The following S100Z variants were observed in gnomAD, a reference collection of about 807,000 sequenced individuals.
S100Z encodes protein S100-Z.
S100Z carries 11 observed loss-of-function variants against 8.5 expected under a neutral mutation model. That is an observed-to-expected ratio of 1.30 (90% CI 0.82 to 2.15). S100Z has a LOEUF of 2.15. Among genes scored for constraint, S100Z ranks in the 30% most tolerant of loss-of-function variants. The pLI is 0.00. For missense variants in S100Z, 126 were observed against 117.9 expected, an observed-to-expected ratio of 1.07 and a Z score of -0.32; for synonymous variants, 34 against 43.8, an observed-to-expected ratio of 0.78 and a Z score of 0.89.
At chr5:76,865,238 C>CTATTT (rs1491513943) in intron 1 of S100Z, among the ~76,000 whole-genome samples, 1 of 110,652 alleles carries the variant, frequency 9.0e-6, no homozygotes, top group African/African-American at 3.9e-5. Context: ...TGTGTCCTAG[C>CTATTT]TCTTTTTTTT....
rs188187374 is a variant in S100Z at position 76,916,938 on chromosome 5, C to T, written c.*3-3779C>T. Among the ~76,000 whole-genome samples, 550 of 151,964 alleles carry T rather than the reference C, an allele frequency of 3.6e-3. 3 individuals carry two copies. Among genetic ancestry groups the T allele is most frequent in the African/African-American group, 0.013 (531 of 41,472 alleles). Reference sequence around the variant, plus strand: ...GTTAGGAGTTCGAGACCAGCCTGGCCAACATAGTTAAACCCCATCTCTACT... The same window carrying T: ...GTTAGGAGTTCGAGACCAGCCTGGCTAACATAGTTAAACCCCATCTCTACT... On this transcript the variant is annotated intron_variant, in intron 4 of 4. Transcript: ENST00000317593.
chr5:76,924,283 T>C (rs61214915), downstream of S100Z, among the ~76,000 whole-genome samples: 692 of 152,336 alleles, frequency 4.5e-3, 5 homozygotes, highest in African/African-American at 0.016. Flanking sequence ...TATAAGCATC[T>C]AGACCTCACT....
At chr5:76,881,914 C>T (rs754212301) in intron 4 of S100Z, among the ~76,000 whole-genome samples, 2 of 152,074 alleles carry the variant, frequency 1.3e-5, no homozygotes, top group South Asian at 2.1e-4. Flanking sequence ...GGAAGTAAAG[C>T]GGCCTTGAGA....
At chr5:76,939,309 C>T in the S100Z span, among the ~76,000 whole-genome samples, 1 of 151,818 alleles carries the variant, frequency 6.6e-6, no homozygotes. Context: ...CCCACCACCA[C>T]GCCTGGCTAA....
At position 76,889,451 on chromosome 5, in the gene S100Z, G is replaced by A. The variant is rs117535624; in HGVS notation, c.*2+11617G>A. Among the ~76,000 whole-genome samples, 7 of 152,182 alleles carry A rather than the reference G, an allele frequency of 4.6e-5. No homozygotes were observed. The East Asian group carries it at 1.2e-3, about 25-fold the overall frequency. On this transcript the variant is annotated intron_variant, in intron 4 of 4. Transcript: ENST00000317593. ...ATGCAAGAGAAGATCTCGACATTTCGCAGGGGCCTTTAAGCTTTTCATTTT... is the reference window on the plus strand; with the variant it reads ...ATGCAAGAGAAGATCTCGACATTTCACAGGGGCCTTTAAGCTTTTCATTTT...
chr5:76,850,914 T>A (rs1375262096), intron 1 of S100Z, among the ~76,000 whole-genome samples: 1 of 152,114 alleles, frequency 6.6e-6, no homozygotes, highest in African/African-American at 2.4e-5. Flanking sequence ...CACCTCCCAC[T>A]TGGCTTCCCA....
At chr5:76,853,437 A>G (rs1370528537) in intron 1 of S100Z, among the ~76,000 whole-genome samples, 1 of 152,128 alleles carries the variant, frequency 6.6e-6, no homozygotes, top group Non-Finnish European at 1.5e-5. Context: ...AACTACTTTT[A>G]TTTGCTTATT....
intron 4 of S100Z, among the ~76,000 whole-genome samples, chr5:76,908,236 T>C (rs1431375093): frequency 6.6e-6 from 1 of 152,224 alleles, no homozygotes; most frequent in Non-Finnish European, 1.5e-5. Context: ...ACTTCTGGGC[T>C]GAGCCAAGGG....
chr5:76,859,131 G>T (rs1750974941), intron 1 of S100Z, among the ~76,000 whole-genome samples: 1 of 152,210 alleles, frequency 6.6e-6, no homozygotes, highest in South Asian at 2.1e-4. Context: ...TAATAATGAT[G>T]ATGATAATCT....
intron 4 of S100Z, among the ~76,000 whole-genome samples, chr5:76,901,010 T>C (rs1744207623): frequency 6.6e-6 from 1 of 152,068 alleles, no homozygotes; most frequent in South Asian, 2.1e-4. Flanking sequence ...GGACAAGATC[T>C]GGAAGAATTC....
intron 4 of S100Z, among the ~76,000 whole-genome samples, chr5:76,900,277 C>G (rs1465589656): frequency 6.6e-6 from 1 of 152,166 alleles, no homozygotes; most frequent in Non-Finnish European, 1.5e-5. Flanking sequence ...ATATCTTTCT[C>G]TAAGTTTGGG....
Position 76,913,273 on chromosome 5 carries a change from C to T in S100Z, c.*3-7444C>T, listed in dbSNP as rs189184610. Among the ~76,000 whole-genome samples the T allele has an allele frequency of 7.2e-5, 11 of 152,256 alleles. No homozygotes were observed. The East Asian group carries it at 1.9e-3, about 27-fold the overall frequency. On this transcript the variant is annotated intron_variant, in intron 4 of 4. Coordinates refer to ENST00000317593, the MANE Select transcript of S100Z (RefSeq NM_130772.4). ...CTTAACTAATTACCATACAAAGGTC[C>T]GATCAGACCAAGGAGGAACTCCCTT...
chr5:76,865,755 G>A (rs948413791), intron 1 of S100Z, among the ~76,000 whole-genome samples: 15 of 151,484 alleles, frequency 9.9e-5, no homozygotes, highest in Middle Eastern at 6.8e-3. Flanking sequence ...GCTCATGCCT[G>A]TAATCCCAGC....
At chr5:76,932,402 G>A in the S100Z span, among the ~76,000 whole-genome samples, 2 of 152,136 alleles carry the variant, frequency 1.3e-5, no homozygotes, top group Non-Finnish European at 2.9e-5. Flanking sequence ...TGCCCAGGCT[G>A]GAGTGCGGTG....
At chr5:76,889,101 G>A (rs1438056216) in intron 4 of S100Z, among the ~76,000 whole-genome samples, 2 of 152,130 alleles carry the variant, frequency 1.3e-5, no homozygotes, top group Admixed American at 6.6e-5. Flanking sequence ...ATCAAGCACC[G>A]CCTCCTCTAG....
At chr5:76,851,844 G>A (rs1005895408) in intron 1 of S100Z, among the ~76,000 whole-genome samples, 7 of 152,122 alleles carry the variant, frequency 4.6e-5, no homozygotes, top group African/African-American at 1.2e-4. Context: ...AGAAAAGAAC[G>A]AGATGTAAAG....
At chr5:76,882,035 G>A (rs1187849799) in intron 4 of S100Z, among the ~76,000 whole-genome samples, 1 of 152,194 alleles carries the variant, frequency 6.6e-6, no homozygotes, top group Non-Finnish European at 1.5e-5. Context: ...CATATTTACA[G>A]TCAGTATAAA....
chr5:76,875,626 T>A, intron 3 of S100Z, 126 bp downstream of exon 3: 1 of 825,744 alleles, frequency 1.2e-6, no homozygotes, highest in Non-Finnish European at 1.8e-6. Context: ...GTACAGAGAT[T>A]CAAAATATAG....
the S100Z span, among the ~76,000 whole-genome samples, chr5:76,933,718 T>G: frequency 2.0e-5 from 3 of 152,194 alleles, no homozygotes; most frequent in Non-Finnish European, 4.4e-5. Flanking sequence ...TGGCCACACC[T>G]TTCATTTGAT....
Sources: gnomAD v4.1 joint callset for allele counts (sites outside exome capture counted in the v4.1 genomes callset) on GRCh38, gnomAD v4.1.1 for gene constraint, MANE v1.5 for transcripts, NCBI Gene and HGNC (gene_info 2026-07-23, HGNC 2026-07-21) for gene names.